DMKN: variants seen among roughly 807,000 people sequenced by gnomAD.
DMKN encodes the protein dermokine.
A neutral mutation model predicts 67.6 loss-of-function variants in DMKN; 58 were observed. The observed-to-expected ratio is 0.86, with a 90% CI of 0.69 to 1.07. The LOEUF is 1.07. Ranked by LOEUF, DMKN falls within the 50% of genes least tolerant of loss-of-function variation. DMKN has a pLI of 0.00. For missense variants in DMKN, 596 were observed against 601.5 expected (o/e 0.99, Z 0.10); for synonymous variants, 240 against 232.3 (o/e 1.03, Z -0.30).
At chr19:35,512,871 C>A in intron 1 of DMKN, 81 bp from the exon 2 acceptor site, 1 of 1,538,328 alleles carries the variant, frequency 6.5e-7, no homozygotes, top group East Asian at 2.3e-5. Flanking sequence ...ATAAAGAGAC[C>A]AGGAGAGAGA....
intron 15 of DMKN, chr19:35,498,353 TG>T (rs1328910333): frequency 8.7e-6 from 2 of 229,846 alleles, no homozygotes; most frequent in Non-Finnish European, 1.7e-5. Context: ...CAGGCTGGAA[TG>T]GTTTGTTTTG....
rs1453193159 is a variant in DMKN at position 35,512,792 on chromosome 19, T to G, written c.427-2A>C. ...GATGCCATGGCCTCCAGAAGTTTCCTGCAAGAACAACATACCTGCACTTAG... is the reference window on the plus strand; with the variant it reads ...GATGCCATGGCCTCCAGAAGTTTCCGGCAAGAACAACATACCTGCACTTAG... On this transcript the variant is annotated splice_acceptor_variant, in intron 1 of 15. Transcript: ENST00000339686. LOFTEE classifies it high-confidence loss of function. 6.2e-7 allele frequency: 1 copy of G among 1,612,244 alleles called. No homozygotes were observed. The highest frequency in any genetic ancestry group is 1.3e-5 in the African/African-American group (1 of 74,904).
rs568256030 is a variant in DMKN at position 35,506,510 on chromosome 19, C to T, written c.1039-524G>A. 519 of 517,678 alleles carry T rather than the reference C, an allele frequency of 1.0e-3. 3 individuals carry two copies. The highest frequency in any genetic ancestry group is 5.1e-3 in the South Asian group (331 of 65,094). 32.1% of individuals were successfully genotyped at this position (517,678 alleles called of 1,614,324 possible). ...TCCCACGGCACGCCAAGCACCATGC[C>T]TTATGCAGCATCTGTCTCCAGAGTC... On this transcript the variant is annotated intron_variant, in intron 7 of 15. Transcript: ENST00000339686.
intron 12 of DMKN, 182 bp from the exon 13 acceptor site, chr19:35,500,211 C>A: frequency 2.5e-6 from 3 of 1,189,170 alleles, no homozygotes; most frequent in Non-Finnish European, 3.6e-6. Context: ...CCACCCTCAC[C>A]TGCCTTTACT....
chr19:35,507,081 TAC>T (rs1263596734), intron 7 of DMKN: 2 of 195,830 alleles, frequency 1.0e-5, no homozygotes, highest in African/African-American at 4.7e-5. Flanking sequence ...GTGCTGGGAT[TAC>T]AGTTATGCTG....
At position 35,513,522 on chromosome 19, in the gene DMKN, G is replaced by A; in HGVS notation, c.-47C>T. 1.3e-6 allele frequency: 2 copies of A among 1,555,314 alleles called. No individual in the cohort carries two copies. Among genetic ancestry groups the A allele is most frequent in the African/African-American group, 1.4e-5 (1 of 73,482 alleles). Reference sequence around the variant, plus strand: ...TCCAGAGTGTCTTCCTCCCACCAGGGTCTCCTCCTTGCCGCCCTTGCTCTG... The same window carrying A: ...TCCAGAGTGTCTTCCTCCCACCAGGATCTCCTCCTTGCCGCCCTTGCTCTG... On this transcript the variant is annotated 5_prime_UTR_variant, in exon 1 of 16. Coordinates refer to ENST00000339686, the MANE Select transcript of DMKN (RefSeq NM_033317.5).
rs745345000 is a variant in DMKN at position 35,512,395 on chromosome 19, A to G, written c.684+26T>C. On this transcript the variant is annotated intron_variant, in intron 3 of 15. Coordinates refer to ENST00000339686, the MANE Select transcript of DMKN (RefSeq NM_033317.5). ...GTAGCCTGCACCCAGTGGCTTCTTC[A>G]TTTGTTCCCAGCCCCTTCCTCTTAC... 3 of 1,611,800 alleles carry G rather than the reference A, an allele frequency of 1.9e-6. No individual in the cohort carries two copies. The East Asian group carries it at 6.7e-5, about 36-fold the overall frequency.
chr19:35,513,533 GC>G lies in DMKN; in HGVS notation c.-59del. 1.3e-6 allele frequency: 2 copies of G among 1,540,086 alleles called. No homozygotes were observed. The highest frequency in any genetic ancestry group is 1.7e-6 in the Non-Finnish European group (2 of 1,154,258). On this transcript the variant is annotated 5_prime_UTR_variant, in exon 1 of 16. Transcript: ENST00000339686. ...TTCCTCCCACCAGGGTCTCCTCCTT[GC>G]CGCCCTTGCTCTGCGTCTCTGTGCC...
intron 3 of DMKN, among the ~76,000 whole-genome samples, chr19:35,512,124 A>G (rs1428347718): frequency 6.6e-6 from 1 of 151,172 alleles, no homozygotes; most frequent in Non-Finnish European, 1.5e-5. Context: ...CCGCCTCCCA[A>G]GTGGCTGCAA....
chr19:35,513,222 T>TGC lies in DMKN; in HGVS notation c.252_253dup (p.Gln85ArgfsTer8). 1 of 1,614,242 alleles carries TGC rather than the reference T, an allele frequency of 6.2e-7. No homozygotes were observed. The highest frequency in any genetic ancestry group is 8.5e-7 in the Non-Finnish European group (1 of 1,180,034). On this transcript the variant is annotated frameshift_variant, in exon 1 of 16. Transcript: ENST00000339686. LOFTEE classifies it high-confidence loss of function. ...ATCTGCTACGCCAAAGCCTGGAACC[T>TGC]GCCTGACTCCAGTGCCAACTGCTTC...
At chr19:35,502,596 C>T (rs1049082237) in intron 10 of DMKN, among the ~76,000 whole-genome samples, 16 of 151,460 alleles carry the variant, frequency 1.1e-4, no homozygotes, top group Non-Finnish European at 1.8e-4. Flanking sequence ...CCCAGCTACT[C>T]GGGAGGCTGA....
Position 35,498,863 on chromosome 19 carries a change from C to A in DMKN, c.1383+11G>T. On this transcript the variant is annotated intron_variant, in intron 14 of 15. Coordinates refer to ENST00000339686, the MANE Select transcript of DMKN (RefSeq NM_033317.5). ...TCTCCAGCCAGATGAAGATCAGGCCCCCATACTCACCGAGGAAGAAGGTGA... is the reference window on the plus strand; with the variant it reads ...TCTCCAGCCAGATGAAGATCAGGCCACCATACTCACCGAGGAAGAAGGTGA... 2 of 1,614,116 alleles carry A rather than the reference C, an allele frequency of 1.2e-6. No individual in the cohort carries two copies. The highest frequency in any genetic ancestry group is 1.7e-6 in the Non-Finnish European group (2 of 1,180,020).
chr19:35,503,169 A>G, intron 9 of DMKN: 1 of 1,298,134 alleles, frequency 7.7e-7, no homozygotes. Flanking sequence ...CAAGACTAGG[A>G]CCTGCCTCAG....
intron 9 of DMKN, among the ~76,000 whole-genome samples, chr19:35,505,418 C>T (rs1409728171): frequency 1.3e-5 from 2 of 152,144 alleles, no homozygotes; most frequent in South Asian, 2.1e-4. Flanking sequence ...TCTACTCTCC[C>T]CTTAACCTTC....
chr19:35,508,140 A>T, intron 7 of DMKN: 2 of 1,545,100 alleles, frequency 1.3e-6, no homozygotes, highest in Middle Eastern at 3.4e-4. Context: ...TTGCTCCTGG[A>T]GAACAGACCT....
At chr19:35,511,706 C>T (rs1287302997) in intron 4 of DMKN, 57 bp downstream of exon 4, 2 of 1,596,820 alleles carry the variant, frequency 1.3e-6, no homozygotes, top group African/African-American at 2.7e-5. Flanking sequence ...CTAAGGGGAG[C>T]AGAACTTCTC....
intron 5 of DMKN, chr19:35,510,506 C>CG (rs1201981759): frequency 6.5e-7 from 1 of 1,548,216 alleles, no homozygotes; most frequent in Non-Finnish European, 8.7e-7. Flanking sequence ...CACCGCAGGC[C>CG]GGGGGTGGGA....
chr19:35,502,714 AAG>A, intron 10 of DMKN, 114 bp downstream of exon 10: 1 of 1,043,518 alleles, frequency 9.6e-7, no homozygotes, highest in Non-Finnish European at 1.5e-6. Flanking sequence ...CAAAAAAAAA[AAG>A]GGGGGGAGTT....
intron 7 of DMKN, 56 bp from the exon 8 acceptor site, chr19:35,506,042 C>G (rs751840628): frequency 2.0e-5 from 32 of 1,613,488 alleles, no homozygotes; most frequent in Non-Finnish European, 2.7e-5. Flanking sequence ...GAGCCAGAGT[C>G]GGGAGATCTG....
Sources: gnomAD v4.1 joint callset for allele counts (sites outside exome capture counted in the v4.1 genomes callset) on GRCh38, gnomAD v4.1.1 for gene constraint, MANE v1.5 for transcripts, NCBI Gene and HGNC (gene_info 2026-07-23, HGNC 2026-07-21) for gene names.